Variants in NUSAP1 observed in about 807,000 individuals in gnomAD.
NUSAP1 encodes the protein nucleolar and spindle associated protein 1.
Under a neutral mutation model 52.8 loss-of-function variants are expected in NUSAP1, and 32 were observed. The observed-to-expected ratio is 0.61, with a 90% confidence interval of 0.46 to 0.81. The LOEUF (loss-of-function observed/expected upper bound fraction) is 0.81, where lower values mean the gene tolerates loss of function less well. Among genes scored for constraint, NUSAP1 ranks in the 40% least tolerant of loss-of-function variants. The pLI, the probability that NUSAP1 is intolerant of heterozygous loss-of-function variation, is 0.00. For missense variants in NUSAP1, 499 were observed against 522.3 expected (o/e 0.96, Z 0.43); for synonymous variants, 195 against 183.1 (o/e 1.06, Z -0.52).
chr15:41,341,118 A>G (rs138742577), intron 1 of NUSAP1, among the ~76,000 whole-genome samples: 82 of 152,314 alleles, frequency 5.4e-4, no homozygotes, highest in African/African-American at 1.9e-3. Flanking sequence ...ACTAGAGTGC[A>G]GTGGCATCAT....
chr15:41,342,362 C>G (rs1220115658), intron 1 of NUSAP1, 24 bp from the exon 2 acceptor site: 2 of 1,509,830 alleles, frequency 1.3e-6, no homozygotes, highest in Non-Finnish European at 1.8e-6. Context: ...ACTTTTGGCT[C>G]TAATAATAAG....
Position 41,380,257 on chromosome 15 carries a change from C to A in NUSAP1, c.*71C>A. On this transcript the variant is annotated 3_prime_UTR_variant, in exon 11 of 11. Coordinates refer to ENST00000559596, the MANE Select transcript of NUSAP1 (RefSeq NM_016359.5). ...TCCTTTTGTAAATTTTTTTTTTTTG[C>A]TGTCATCCCCACTTTAGTCACGAGA... 1 of 831,304 alleles carries A rather than the reference C, an allele frequency of 1.2e-6. No individual in the cohort carries two copies. The highest frequency in any genetic ancestry group is 1.9e-6 in the Non-Finnish European group (1 of 527,764). 51.5% of individuals were successfully genotyped at this position (831,304 alleles called of 1,614,324 possible).
At position 41,342,380 on chromosome 15, in the gene NUSAP1, T is replaced by C; in HGVS notation, c.94-6T>C. 1 of 1,576,940 alleles carries C rather than the reference T, an allele frequency of 6.3e-7. No homozygotes were observed. Among genetic ancestry groups the C allele is most frequent in the Non-Finnish European group, 8.6e-7 (1 of 1,156,886 alleles). On this transcript the variant is annotated splice_polypyrimidine_tract_variant and splice_region_variant and intron_variant, in intron 1 of 10. Transcript: ENST00000559596. ...TTTGGCTCTAATAATAAGGTCTCTC[T>C]TGCAGGCAACCAAGTTGTTAAAAGC...
intron 10 of NUSAP1, among the ~76,000 whole-genome samples, chr15:41,379,277 A>G (rs1335552984): frequency 1.3e-5 from 2 of 150,516 alleles, no homozygotes; most frequent in Non-Finnish European, 3.0e-5. Context: ...AGGTGTAGAC[A>G]TTTCTCATTT....
At chr15:41,342,360 C>T in intron 1 of NUSAP1, 26 bp from the exon 2 acceptor site, 1 of 1,482,772 alleles carries the variant, frequency 6.7e-7, no homozygotes, top group Non-Finnish European at 9.3e-7. Context: ...TGACTTTTGG[C>T]TCTAATAATA....
chr15:41,370,276 G>A (rs2049613630), intron 7 of NUSAP1, among the ~76,000 whole-genome samples: 1 of 152,052 alleles, frequency 6.6e-6, no homozygotes, highest in Non-Finnish European at 1.5e-5. Context: ...CAGCTACTTG[G>A]GAGGCTGAGG....
At chr15:41,359,633 T>C (rs1476179078) in intron 6 of NUSAP1, among the ~76,000 whole-genome samples, 2 of 151,640 alleles carry the variant, frequency 1.3e-5, no homozygotes, top group African/African-American at 4.9e-5. Flanking sequence ...TTTCTTTTCT[T>C]TTCTTTTTTT....
chr15:41,356,736 A>G (rs1254348182), intron 5 of NUSAP1, among the ~76,000 whole-genome samples: 3 of 152,328 alleles, frequency 2.0e-5, no homozygotes, highest in Non-Finnish European at 4.4e-5. Context: ...GGCAAATAGC[A>G]TGCAGCAAGG....
intron 9 of NUSAP1, among the ~76,000 whole-genome samples, 191 bp downstream of exon 9, chr15:41,376,019 C>G (rs991835997): frequency 6.6e-6 from 1 of 151,488 alleles, no homozygotes; most frequent in Admixed American, 6.6e-5. Flanking sequence ...TGAGCCGAGA[C>G]CGTGCCACTG....
At chr15:41,377,375 C>T in intron 10 of NUSAP1, 71 bp downstream of exon 10, 1 of 784,806 alleles carries the variant, frequency 1.3e-6, no homozygotes. Flanking sequence ...GATAGGGGCT[C>T]AGTAATAGTG....
rs1165243145 is a variant in NUSAP1 at position 41,371,525 on chromosome 15, A to G, written c.849-2A>G. ...TGTCTTGTACTCTGCTGTCCTATTT[A>G]GGTTTTCAGCTGCTACTAAAGATAA... On this transcript the variant is annotated splice_acceptor_variant, in intron 7 of 10. Transcript: ENST00000559596. LOFTEE classifies it high-confidence loss of function. 4.4e-6 allele frequency: 7 copies of G among 1,592,636 alleles called. No homozygotes were observed. The highest frequency in any genetic ancestry group is 1.1e-5 in the South Asian group (1 of 87,926).
chr15:41,368,144 C>G (rs986139062), intron 7 of NUSAP1, among the ~76,000 whole-genome samples: 4 of 152,112 alleles, frequency 2.6e-5, no homozygotes, highest in Non-Finnish European at 5.9e-5. Flanking sequence ...CTCTAGTCAG[C>G]CATCTTGCTG....
chr15:41,364,946 T>A (rs16971798), intron 6 of NUSAP1, among the ~76,000 whole-genome samples: 61,684 of 151,936 alleles, frequency 0.41, 14,335 homozygotes, highest in African/African-American at 0.65. Context: ...TTACTCAGCC[T>A]CAACTGGAAA....
At chr15:41,351,248 A>C (rs1335221982) in intron 4 of NUSAP1, 119 bp downstream of exon 4, 2 of 987,398 alleles carry the variant, frequency 2.0e-6, no homozygotes, top group East Asian at 5.4e-5. Flanking sequence ...GCAGCTTAGA[A>C]CAACAGAAAT....
chr15:41,366,534 G>A (rs2049423854), intron 7 of NUSAP1, among the ~76,000 whole-genome samples: 1 of 151,234 alleles, frequency 6.6e-6, no homozygotes, highest in Non-Finnish European at 1.5e-5. Context: ...TACCTGCCTT[G>A]GCCTCCCAAA....
At chr15:41,344,974 T>C (rs1056398732) in intron 2 of NUSAP1, among the ~76,000 whole-genome samples, 5 of 152,072 alleles carry the variant, frequency 3.3e-5, no homozygotes, top group Non-Finnish European at 7.4e-5. Flanking sequence ...CGCACTTATT[T>C]TTGCACCAAC....
chr15:41,335,166 C>G (rs2140490539), intron 1 of NUSAP1, among the ~76,000 whole-genome samples: 1 of 150,588 alleles, frequency 6.6e-6, no homozygotes, highest in Non-Finnish European at 1.5e-5. Context: ...GAGAAATTAT[C>G]AAGATTTGAT....
intron 7 of NUSAP1, among the ~76,000 whole-genome samples, chr15:41,367,939 G>C (rs575124999): frequency 6.6e-6 from 1 of 152,212 alleles, no homozygotes; most frequent in South Asian, 2.1e-4. Flanking sequence ...TCAAATCTTA[G>C]CTTTTTTCTG....
rs149183698 is a variant in NUSAP1, at chr15:41,370,033, C to T, written c.849-1494C>T. ...GCAGTGAGCCGAGATCACGCCACTG[C>T]ACTGCAGCCTGGGTAACAGTGCGAG... On this transcript the variant is annotated intron_variant, in intron 7 of 10. Coordinates refer to ENST00000559596, the MANE Select transcript of NUSAP1 (RefSeq NM_016359.5). Among the ~76,000 whole-genome samples, 713 of 151,810 alleles carry T rather than the reference C, an allele frequency of 4.7e-3. 2 individuals carry two copies. Among genetic ancestry groups the T allele is most frequent in the Non-Finnish European group, 8.2e-3 (556 of 67,950 alleles).
Sources: allele counts gnomAD v4.1 joint callset (sites outside exome capture counted in the v4.1 genomes callset), GRCh38; gene constraint gnomAD v4.1.1; transcripts MANE v1.5; gene names NCBI Gene and HGNC (gene_info 2026-07-23, HGNC 2026-07-21).